The following IL12RB2 variants were observed in gnomAD, a reference collection of about 807,000 sequenced individuals.
IL12RB2 encodes interleukin-12 receptor subunit beta-2.
IL12RB2 carries 82 observed loss-of-function variants against 89.4 expected under a neutral mutation model. That is an observed-to-expected ratio of 0.92 (90% CI 0.77 to 1.10). The LOEUF (loss-of-function observed/expected upper bound fraction) is 1.10. Among genes scored for constraint, IL12RB2 ranks in the 50% least tolerant of loss-of-function variants. The pLI, the probability that IL12RB2 is intolerant of heterozygous loss-of-function variation, is 0.00. For missense variants in IL12RB2, 963 were observed against 1,031.9 expected (o/e 0.93, Z 0.92); for synonymous variants, 368 against 370.1 (o/e 0.99, Z 0.07).
chr1:67,379,768 A>T (rs985944204), intron 13 of IL12RB2, among the ~76,000 whole-genome samples: 5 of 152,164 alleles, frequency 3.3e-5, no homozygotes, highest in African/African-American at 4.8e-5. Context: ...CTACAAAAAA[A>T]TAATTTGTTT....
intron 13 of IL12RB2, among the ~76,000 whole-genome samples, chr1:67,374,777 CTTTTTTTTTTTTTTTTTT>C (rs35122967): frequency 1.9e-5 from 1 of 53,840 alleles, no homozygotes; most frequent in Non-Finnish European, 3.2e-5. Context: ...AGCCCAGCCT[CTTTTTTTTTTTTTTTTTT>C]TTTTTTTTTT....
intron 5 of IL12RB2, among the ~76,000 whole-genome samples, chr1:67,327,563 T>C (rs959618333): frequency 1.3e-5 from 2 of 152,134 alleles, no homozygotes; most frequent in Non-Finnish European, 2.9e-5. Flanking sequence ...TAGTTTCCCA[T>C]TCGCTTGGAT....
At chr1:67,349,626 A>G (rs1660609281) in intron 9 of IL12RB2, among the ~76,000 whole-genome samples, 1 of 152,194 alleles carries the variant, frequency 6.6e-6, no homozygotes, top group South Asian at 2.1e-4. Flanking sequence ...CACCTCGTGC[A>G]CTGACTATGG....
At chr1:67,390,000 G>A (rs963153616) in intron 15 of IL12RB2, 29 bp from the exon 16 acceptor site, 3 of 919,810 alleles carry the variant, frequency 3.3e-6, no homozygotes, top group Non-Finnish European at 5.5e-6. Flanking sequence ...GCACACCTAA[G>A]GAAATGTCAC....
At chr1:67,312,440 T>TTGGAGAAATG (rs1228062022) in intron 1 of IL12RB2, among the ~76,000 whole-genome samples, 1 of 152,168 alleles carries the variant, frequency 6.6e-6, no homozygotes, top group Non-Finnish European at 1.5e-5. Context: ...TACTGTTATA[T>TTGGAGAAATG]TGGAGAAATG....
intron 8 of IL12RB2, among the ~76,000 whole-genome samples, chr1:67,337,052 C>T (rs755910918): frequency 3.3e-5 from 5 of 152,182 alleles, no homozygotes; most frequent in African/African-American, 7.2e-5. Flanking sequence ...GGGCTTACCC[C>T]GCAGACCTGG....
At chr1:67,394,601 G>A (rs1666170101) in intron 16 of IL12RB2, among the ~76,000 whole-genome samples, 1 of 152,130 alleles carries the variant, frequency 6.6e-6, no homozygotes, top group African/African-American at 2.4e-5. Context: ...TTTCTTAAAA[G>A]CAGATCTGAC....
intron 9 of IL12RB2, among the ~76,000 whole-genome samples, chr1:67,348,854 C>T (rs1440338110): frequency 1.3e-5 from 2 of 152,034 alleles, no homozygotes; most frequent in Non-Finnish European, 2.9e-5. Flanking sequence ...ATCGTTATTC[C>T]AAAAATTGAG....
chr1:67,379,790 G>C, intron 13 of IL12RB2, 196 bp from the exon 14 acceptor site: 1 of 557,502 alleles, frequency 1.8e-6, no homozygotes, highest in Non-Finnish European at 3.2e-6. Context: ...ATATGCTGTG[G>C]AGTGAGATGT....
chr1:67,357,834 G>A (rs76079579), intron 10 of IL12RB2, among the ~76,000 whole-genome samples: 1,890 of 152,198 alleles, frequency 0.012, 52 homozygotes, highest in African/African-American at 0.044. Context: ...CTTCCATAAG[G>A]TGTAAAAAAA....
intron 9 of IL12RB2, among the ~76,000 whole-genome samples, chr1:67,345,308 C>A (rs530428113): frequency 1.2e-4 from 18 of 152,328 alleles, no homozygotes; most frequent in African/African-American, 4.3e-4. Context: ...GAGAAGATAG[C>A]AAGCCCCGTA....
intron 14 of IL12RB2, among the ~76,000 whole-genome samples, chr1:67,384,887 T>G (rs771766244): frequency 1.2e-4 from 19 of 152,216 alleles, no homozygotes; most frequent in Non-Finnish European, 2.2e-4. Context: ...TACCAGCATT[T>G]TGGTCAAAGT....
intron 3 of IL12RB2, among the ~76,000 whole-genome samples, chr1:67,321,232 G>T (rs1038444210): frequency 6.6e-5 from 10 of 151,916 alleles, no homozygotes; most frequent in Non-Finnish European, 1.5e-5. Context: ...AAACAAATGT[G>T]TTTTTTTCTG....
chr1:67,363,848 C>T (rs1257816544), intron 10 of IL12RB2, among the ~76,000 whole-genome samples: 1 of 152,076 alleles, frequency 6.6e-6, no homozygotes, highest in Non-Finnish European at 1.5e-5. Context: ...CTAAAAAGGG[C>T]AGAAAATGAA....
intron 14 of IL12RB2, among the ~76,000 whole-genome samples, chr1:67,380,581 G>A (rs981746555): frequency 3.9e-5 from 6 of 152,152 alleles, no homozygotes; most frequent in Non-Finnish European, 7.3e-5. Flanking sequence ...TCTGTTAAGC[G>A]CTTTGTATAC....
At position 67,323,453 on chromosome 1, in the gene IL12RB2, A is replaced by G. The variant is rs570068025; in HGVS notation, c.364+1564A>G. On this transcript the variant is annotated intron_variant, in intron 4 of 16. Transcript: ENST00000674203. ...CTGTATTACGAAGATAATAACATCTACCTCATGAAATGGTCATAGTAATTA... is the reference window on the plus strand; with the variant it reads ...CTGTATTACGAAGATAATAACATCTGCCTCATGAAATGGTCATAGTAATTA... 6.6e-5 allele frequency among the ~76,000 whole-genome samples: 10 copies of G among 152,280 alleles called. No individual in the cohort carries two copies. The South Asian group carries it at 8.3e-4, about 13-fold the overall frequency.
intron 1 of IL12RB2, among the ~76,000 whole-genome samples, chr1:67,309,106 A>C (rs1453734728): frequency 6.6e-6 from 1 of 152,174 alleles, no homozygotes; most frequent in East Asian, 1.9e-4. Context: ...AAGCTAAATT[A>C]GTCCTTTTTT....
chr1:67,391,218 A>G (rs1665773249), intron 16 of IL12RB2, among the ~76,000 whole-genome samples: 1 of 152,118 alleles, frequency 6.6e-6, no homozygotes, highest in Non-Finnish European at 1.5e-5. Context: ...AGGATTAAAT[A>G]AGATGCCATG....
chr1:67,348,901 A>G (rs1476807183), intron 9 of IL12RB2, among the ~76,000 whole-genome samples: 2 of 152,210 alleles, frequency 1.3e-5, no homozygotes, highest in Non-Finnish European at 2.9e-5. Context: ...ATGGGATACC[A>G]TATTTACTTG....
Sources: allele counts gnomAD v4.1 joint callset (sites outside exome capture counted in the v4.1 genomes callset), GRCh38; gene constraint gnomAD v4.1.1; transcripts MANE v1.5; gene names NCBI Gene and HGNC (gene_info 2026-07-23, HGNC 2026-07-21).